The following ZC3H12B variants were observed in gnomAD, a reference collection of about 807,000 sequenced individuals.
ZC3H12B encodes the protein zinc finger CCCH-type containing 12B, also known as probable ribonuclease ZC3H12B.
ZC3H12B carries 7 observed loss-of-function variants against 43.9 expected under a neutral mutation model. The observed-to-expected ratio is 0.16, with a 90% confidence interval of 0.09 to 0.30. The LOEUF (loss-of-function observed/expected upper bound fraction) is 0.30, where lower values mean the gene tolerates loss of function less well. Among genes scored for constraint, ZC3H12B ranks in the 10% least tolerant of loss-of-function variants. The pLI is 1.00. For missense variants in ZC3H12B, 475 were observed against 670.2 expected (o/e 0.71, Z 3.22); for synonymous variants, 222 against 241.7 (o/e 0.92, Z 0.76).
chrX:65,255,266 A>T, the ZC3H12B span, among the ~76,000 whole-genome samples: 2 of 111,627 alleles, frequency 1.8e-5, no homozygotes, highest in East Asian at 5.7e-4. Flanking sequence ...AGCTTCTCCC[A>T]GGTCAAATTG....
rs764051145 is a variant in ZC3H12B at position 65,454,874 on chromosome X, G to A, written n.408-33772G>A. ...CTGATACCCAGGCAAACAGGGTCTG[G>A]AGTGGATTTCCGGCAAACTGCAACA... is the stretch of plus-strand genomic sequence containing the variant. On this transcript the variant is annotated intron_variant and non_coding_transcript_variant, in intron 3 of 5. Coordinates refer to the ZC3H12B transcript ENST00000617377. Among the ~76,000 whole-genome samples the A allele has an allele frequency of 2.5e-3, 280 of 111,951 alleles. 1 individual carries two copies. The highest frequency in any genetic ancestry group is 0.013 in the South Asian group (34 of 2,671).
the ZC3H12B span, among the ~76,000 whole-genome samples, chrX:65,152,831 T>A: frequency 9.0e-6 from 1 of 111,685 alleles, no homozygotes; most frequent in African/African-American, 3.3e-5. Context: ...GACTTCAAAC[T>A]ATACTACAAG....
the ZC3H12B span, among the ~76,000 whole-genome samples, chrX:65,107,143 T>C: frequency 9.0e-5 from 10 of 111,143 alleles, no homozygotes; most frequent in Non-Finnish European, 1.9e-4. Context: ...AGTTAGGAGG[T>C]GGTCAGATTA....
chrX:65,172,459 T>C, the ZC3H12B span, among the ~76,000 whole-genome samples: 821 of 112,412 alleles, frequency 7.3e-3, 9 homozygotes, highest in African/African-American at 0.023. Flanking sequence ...AATTTTGGCA[T>C]TTGTTGCAAC....
chrX:65,458,887 CAAAAAA>C (rs2067681561), intron 3 of ZC3H12B, among the ~76,000 whole-genome samples: 11 of 111,031 alleles, frequency 9.9e-5, no homozygotes, highest in Non-Finnish European at 5.7e-5. Flanking sequence ...AATAGAGACA[CAAAAAA>C]CCCTTCAAAA....
At chrX:65,168,422 G>A in the ZC3H12B span, among the ~76,000 whole-genome samples, 6 of 111,475 alleles carry the variant, frequency 5.4e-5, no homozygotes, top group Non-Finnish European at 9.4e-5. Context: ...TTGATATGCT[G>A]CTGGACTCAG....
At chrX:65,315,375 T>C in the ZC3H12B span, among the ~76,000 whole-genome samples, 1 of 111,695 alleles carries the variant, frequency 9.0e-6, no homozygotes, top group Non-Finnish European at 1.9e-5. Flanking sequence ...GTTTTAGGTT[T>C]GTTGCATTAT....
intron 3 of ZC3H12B, among the ~76,000 whole-genome samples, chrX:65,405,601 C>T (rs1247871616): frequency 9.0e-6 from 1 of 110,885 alleles, no homozygotes; most frequent in Non-Finnish European, 1.9e-5. Context: ...GCCTGGGTGA[C>T]AGAAGGAGAC....
chrX:65,077,827 G>A, the ZC3H12B span, among the ~76,000 whole-genome samples: 5 of 111,920 alleles, frequency 4.5e-5, no homozygotes, highest in East Asian at 1.4e-3. Context: ...GAAAACTCAG[G>A]GAACTCATAG....
chrX:65,070,381 T>G, the ZC3H12B span, among the ~76,000 whole-genome samples: 1 of 110,720 alleles, frequency 9.0e-6, no homozygotes, highest in Non-Finnish European at 1.9e-5. Context: ...TTTTCAACTT[T>G]TGGGATCATT....
chrX:65,397,311 G>C (rs949866584), intron 2 of ZC3H12B, among the ~76,000 whole-genome samples: 5 of 111,607 alleles, frequency 4.5e-5, no homozygotes, highest in African/African-American at 1.6e-4. Flanking sequence ...TTTATATTTT[G>C]GTGTGTTTTT....
the ZC3H12B span, among the ~76,000 whole-genome samples, chrX:65,075,373 C>T: frequency 4.4e-5 from 5 of 112,432 alleles, no homozygotes; most frequent in African/African-American, 1.6e-4. Flanking sequence ...TTCTGTCTCC[C>T]CTCCCTGAGG....
the ZC3H12B span, among the ~76,000 whole-genome samples, chrX:65,356,150 G>A: frequency 2.1e-4 from 24 of 111,712 alleles, no homozygotes; most frequent in South Asian, 8.6e-3. Flanking sequence ...TATGTGAGAT[G>A]TTCAGATTGC....
At chrX:65,119,637 T>G in the ZC3H12B span, among the ~76,000 whole-genome samples, 3 of 111,607 alleles carry the variant, frequency 2.7e-5, no homozygotes, top group African/African-American at 9.8e-5. Flanking sequence ...CAGTGCACAA[T>G]CTCTTTAGTT....
At chrX:65,498,679 T>C (rs756116657) in intron 2 of ZC3H12B, among the ~76,000 whole-genome samples, 1 of 112,487 alleles carries the variant, frequency 8.9e-6, no homozygotes, top group African/African-American at 3.2e-5. Context: ...GCTGGTGCTT[T>C]GGCCAAAGGG....
At chrX:65,278,418 C>T in the ZC3H12B span, among the ~76,000 whole-genome samples, 2 of 111,590 alleles carry the variant, frequency 1.8e-5, no homozygotes, top group South Asian at 3.8e-4. Flanking sequence ...GAATAATCTC[C>T]CTGTTTAGCA....
At chrX:65,152,142 A>T in the ZC3H12B span, among the ~76,000 whole-genome samples, 1 of 111,484 alleles carries the variant, frequency 9.0e-6, no homozygotes. Context: ...ATGGGCAAAA[A>T]CTGGAAGCAT....
intron 2 of ZC3H12B, among the ~76,000 whole-genome samples, chrX:65,376,565 C>T (rs761768602): frequency 1.8e-5 from 2 of 111,743 alleles, no homozygotes; most frequent in African/African-American, 3.2e-5. Context: ...CTCCAAGCAG[C>T]TCAGCAAAGA....
the ZC3H12B span, among the ~76,000 whole-genome samples, chrX:65,199,940 A>G: frequency 9.0e-6 from 1 of 110,551 alleles, no homozygotes; most frequent in Non-Finnish European, 1.9e-5. Flanking sequence ...TAATGGAGTG[A>G]TTTATATTTC....
Sources: gnomAD v4.1 joint callset for allele counts (sites outside exome capture counted in the v4.1 genomes callset) on GRCh38, gnomAD v4.1.1 for gene constraint, MANE v1.5 for transcripts, NCBI Gene and HGNC (gene_info 2026-07-23, HGNC 2026-07-21) for gene names.